CBL: variants seen among roughly 807,000 people sequenced by gnomAD.
CBL encodes the protein Cbl proto-oncogene, also known as E3 ubiquitin-protein ligase CBL.
Under a neutral mutation model 96.9 loss-of-function variants are expected in CBL, and 45 were observed. The ratio of observed to expected loss-of-function variants is 0.46; its 90% CI spans 0.37 to 0.60. CBL has a LOEUF of 0.60. Among genes scored for constraint, CBL ranks in the 20% least tolerant of loss-of-function variants. The pLI, the probability that CBL is intolerant of heterozygous loss-of-function variation, is 0.00. For missense variants in CBL, 1,024 were observed against 1,143.5 expected, an observed-to-expected ratio of 0.90 and a Z score of 1.51; for synonymous variants, 420 against 426.8, an observed-to-expected ratio of 0.98 and a Z score of 0.20.
At chr11:119,244,069 C>G (rs1949606740) in intron 2 of CBL, among the ~76,000 whole-genome samples, 1 of 152,144 alleles carries the variant, frequency 6.6e-6, no homozygotes, top group Non-Finnish European at 1.5e-5. Context: ...GTGGTAACTT[C>G]TTAGGTAACA....
intron 12 of CBL, among the ~76,000 whole-genome samples, chr11:119,291,939 C>T (rs1025488583): frequency 4.6e-5 from 7 of 152,128 alleles, no homozygotes; most frequent in African/African-American, 1.7e-4. Flanking sequence ...TCATTGCAAC[C>T]TTTGCCTCCC....
chr11:119,297,508 A>C (rs1341253819), intron 14 of CBL, 27 bp downstream of exon 14: 1 of 1,466,878 alleles, frequency 6.8e-7, no homozygotes, highest in East Asian at 2.3e-5. Context: ...CTACTTTAAA[A>C]ATCATTGATA....
At chr11:119,276,254 A>T (rs981582483) in intron 6 of CBL, 120 bp downstream of exon 6, 11 of 1,045,920 alleles carry the variant, frequency 1.1e-5, no homozygotes, top group Admixed American at 3.7e-5. Context: ...GAAAATATTA[A>T]CAGATGATAT....
intron 1 of CBL, among the ~76,000 whole-genome samples, chr11:119,211,789 C>T (rs1410531211): frequency 6.6e-6 from 1 of 151,802 alleles, no homozygotes; most frequent in Non-Finnish European, 1.5e-5. Context: ...AAAGCATGAG[C>T]CACTGTGCCC....
In CBL at chr11:119,307,880, A is replaced by G. The variant is rs1364684228; in HGVS notation, c.*8099A>G. 5.0e-6 allele frequency: 1 copy of G among 201,764 alleles called. No individual in the cohort carries two copies. The highest frequency in any genetic ancestry group is 2.3e-5 in the African/African-American group (1 of 43,608). 12.5% of individuals were successfully genotyped at this position (201,764 alleles called of 1,614,324 possible). On this transcript the variant is annotated 3_prime_UTR_variant, in exon 16 of 16. Transcript: ENST00000264033. ...AATGTGTCATTAATATAAAAAATTT[A>G]TATTAGCAGTATTTAATCATTCTCA...
At chr11:119,274,748 GTGT>G (rs1314618133) in intron 4 of CBL, 81 bp from the exon 5 acceptor site, 6 of 1,224,340 alleles carry the variant, frequency 4.9e-6, no homozygotes, top group South Asian at 2.5e-5. Flanking sequence ...CTGAGAGTTG[GTGT>G]TGTTTTTTTT....
chr11:119,297,474 C>T lies in CBL; in HGVS notation c.2244C>T (p.Ser748=), dbSNP rs1950072326. The part of the protein sequence containing the change: ...QSQAPSITES[S]TFGEGNLAAA... ...AGGCGCCATCTATCACCGAGAGCAG[C>T]ACCTTTGGTAAGTTGCCATTCTGCT... Residue 748 remains serine, a synonymous_variant, in exon 14 of 16, where the codon AGC becomes AGT. Transcript: ENST00000264033. 2 of 1,609,096 alleles carry T rather than the reference C, an allele frequency of 1.2e-6. No individual in the cohort carries two copies. Among genetic ancestry groups the T allele is most frequent in the Admixed American group, 3.3e-5 (2 of 60,018 alleles).
rs903022803 is a variant in CBL, at chr11:119,302,177, G to A, written c.*2396G>A. 4.3e-6 allele frequency: 1 copy of A among 232,938 alleles called. No individual in the cohort carries two copies. The highest frequency in any genetic ancestry group is 5.6e-5 in the Admixed American group (1 of 17,788). 14.4% of individuals were successfully genotyped at this position (232,938 alleles called of 1,614,324 possible). A position where few individuals can be genotyped will look rare whatever the true frequency, so the allele number is the denominator to read the frequency against. Reference sequence around the variant, plus strand: ...GTGTGTGTGTGCCATCCATGGGCTTGGGTGTCAGTTTGTCACAGGTATCTG... The same window carrying A: ...GTGTGTGTGTGCCATCCATGGGCTTAGGTGTCAGTTTGTCACAGGTATCTG... On this transcript the variant is annotated 3_prime_UTR_variant, in exon 16 of 16. Coordinates refer to ENST00000264033, the MANE Select transcript of CBL (RefSeq NM_005188.4).
intron 2 of CBL, among the ~76,000 whole-genome samples, chr11:119,233,385 C>T (rs1010143481): frequency 6.6e-6 from 1 of 152,106 alleles, no homozygotes; most frequent in African/African-American, 2.4e-5. Context: ...AGATGTGCAC[C>T]ACCATGCCTG....
At chr11:119,243,295 T>A (rs1171144489) in intron 2 of CBL, among the ~76,000 whole-genome samples, 1 of 151,988 alleles carries the variant, frequency 6.6e-6, no homozygotes, top group African/African-American at 2.4e-5. Flanking sequence ...AGATAAGACT[T>A]AGAATTTTGC....
chr11:119,300,019 TAG>T lies in CBL; in HGVS notation c.*245_*246del. On this transcript the variant is annotated 3_prime_UTR_variant, in exon 16 of 16. Coordinates refer to ENST00000264033, the MANE Select transcript of CBL (RefSeq NM_005188.4). ...TTGAAGGTGTCCTTCAGTTCCCACGTAGAGAGAGTGTGGATTATATTACATGA... is the reference window on the plus strand; with the variant it reads ...TTGAAGGTGTCCTTCAGTTCCCACGTAGAGAGTGTGGATTATATTACATGA... 1.7e-6 allele frequency: 1 copy of T among 599,962 alleles called. No homozygotes were observed. The highest frequency in any genetic ancestry group is 3.0e-6 in the Non-Finnish European group (1 of 336,858). The allele number at this position is 599,962 out of a possible 1,614,324, so 37.2% of individuals were successfully genotyped here.
intron 2 of CBL, among the ~76,000 whole-genome samples, chr11:119,248,157 C>T (rs560500695): frequency 6.6e-6 from 1 of 152,246 alleles, no homozygotes; most frequent in South Asian, 2.1e-4. Flanking sequence ...TAAGGGACCT[C>T]AAATAGCCAA....
chr11:119,240,443 T>C (rs1375356925), intron 2 of CBL, among the ~76,000 whole-genome samples: 1 of 152,226 alleles, frequency 6.6e-6, no homozygotes, highest in Non-Finnish European at 1.5e-5. Context: ...ATTACTTCCA[T>C]ACTCAGTGCA....
At chr11:119,238,771 C>T (rs1949564339) in intron 2 of CBL, among the ~76,000 whole-genome samples, 1 of 152,018 alleles carries the variant, frequency 6.6e-6, no homozygotes, top group Non-Finnish European at 1.5e-5. Context: ...GCGGAGGATG[C>T]AGTGAGCCGA....
rs375232885 is a variant in CBL, at chr11:119,292,084, G to A, written c.2036+4138G>A. On this transcript the variant is annotated intron_variant, in intron 12 of 15. Coordinates refer to ENST00000264033, the MANE Select transcript of CBL (RefSeq NM_005188.4). Reference sequence around the variant, plus strand: ...GCCAGGCTGGTCTCGAACTGCTAATGTCAAATGATCCACCTGCCTCAGCCT... The same window carrying A: ...GCCAGGCTGGTCTCGAACTGCTAATATCAAATGATCCACCTGCCTCAGCCT... 3.9e-5 allele frequency among the ~76,000 whole-genome samples: 6 copies of A among 152,108 alleles called. No homozygotes were observed. The East Asian group carries it at 1.2e-3, about 29-fold the overall frequency.
chr11:119,236,921 C>A (rs1041005637), intron 2 of CBL, among the ~76,000 whole-genome samples: 10 of 152,088 alleles, frequency 6.6e-5, no homozygotes, highest in African/African-American at 1.4e-4. Flanking sequence ...CAGTTACTGG[C>A]AGTCAACCAT....
chr11:119,265,078 A>G (rs916544916), intron 2 of CBL, among the ~76,000 whole-genome samples: 3 of 151,778 alleles, frequency 2.0e-5, no homozygotes, highest in Admixed American at 1.3e-4. Flanking sequence ...GGGGGGTCTC[A>G]CTATATTGCC....
intron 12 of CBL, 23 bp from the exon 13 acceptor site, chr11:119,296,895 A>G (rs201577348): frequency 7.2e-5 from 86 of 1,201,610 alleles, no homozygotes; most frequent in Admixed American, 1.7e-4. Context: ...TTCTTTTTCT[A>G]TTTTTTATTC....
intron 1 of CBL, among the ~76,000 whole-genome samples, chr11:119,226,786 T>C (rs918354219): frequency 6.6e-6 from 1 of 152,228 alleles, no homozygotes; most frequent in Non-Finnish European, 1.5e-5. Flanking sequence ...TATGGCTATT[T>C]GATTCAATCT....
Sources: allele counts gnomAD v4.1 joint callset (sites outside exome capture counted in the v4.1 genomes callset), GRCh38; gene constraint gnomAD v4.1.1; transcripts MANE v1.5; gene names NCBI Gene and HGNC (gene_info 2026-07-23, HGNC 2026-07-21).